TLE4: variants seen among roughly 807,000 people sequenced by gnomAD.
TLE4 encodes transducin-like enhancer protein 4.
Under a neutral mutation model 92.8 loss-of-function variants are expected in TLE4, and 8 were observed. That is an observed-to-expected ratio of 0.09 (90% CI 0.05 to 0.16). The LOEUF (loss-of-function observed/expected upper bound fraction) is 0.16, where lower values mean the gene tolerates loss of function less well. Ranked by LOEUF, TLE4 falls within the 10% of genes least tolerant of loss-of-function variation. The probability of loss-of-function intolerance (pLI) is 1.00; values close to 1 mark genes in which losing one functional copy is unlikely to be tolerated. For missense variants in TLE4, 675 were observed against 997.6 expected, an observed-to-expected ratio of 0.68 and a Z score of 4.36; for synonymous variants, 371 against 374.1, an observed-to-expected ratio of 0.99 and a Z score of 0.10.
intron 8 of TLE4, among the ~76,000 whole-genome samples, chr9:79,682,104 G>A (rs921829812): frequency 1.3e-5 from 2 of 151,990 alleles, no homozygotes; most frequent in African/African-American, 2.4e-5. Context: ...ATCCTATTTT[G>A]TGGTTTTCTT....
intron 8 of TLE4, among the ~76,000 whole-genome samples, chr9:79,663,010 A>G (rs566406988): frequency 2.8e-3 from 405 of 144,976 alleles, no homozygotes; most frequent in Non-Finnish European, 4.3e-3. Flanking sequence ...TACTGCTCTG[A>G]GAGTCGTGAC....
At chr9:79,702,046 G>T (rs1281955364) in intron 8 of TLE4, among the ~76,000 whole-genome samples, 1 of 152,214 alleles carries the variant, frequency 6.6e-6, no homozygotes, top group Non-Finnish European at 1.5e-5. Flanking sequence ...TAAGGATAGT[G>T]GGGGATTTCA....
chr9:79,717,679 C>T (rs2074801599), intron 14 of TLE4, among the ~76,000 whole-genome samples: 1 of 152,192 alleles, frequency 6.6e-6, no homozygotes, highest in Admixed American at 6.5e-5. Context: ...CTACAACTTC[C>T]GCAGTTTGGT....
rs2075893210 is a variant in TLE4, at chr9:79,723,118, G to C, written c.2214+83G>C. The C allele has an allele frequency of 2.2e-6, 3 of 1,367,614 alleles. No individual in the cohort carries two copies. The East Asian group carries it at 7.0e-5, about 32-fold the overall frequency. The allele number at this position is 1,367,614 out of a possible 1,614,324, so 84.7% of individuals were successfully genotyped here. A position where few individuals can be genotyped will look rare whatever the true frequency, so the allele number is the denominator to read the frequency against. The stretch of plus-strand genomic sequence containing the variant: ...TCTCTCAGATTAATAATGTGCAGAA[G>C]TGTCCTGGGAGGTCAGAGCTAGTAT... On this transcript the variant is annotated intron_variant, in intron 19 of 19. Coordinates refer to ENST00000376552, the MANE Select transcript of TLE4 (RefSeq NM_007005.6).
chr9:79,674,303 G>A (rs979433667), intron 8 of TLE4, among the ~76,000 whole-genome samples: 1 of 149,984 alleles, frequency 6.7e-6, no homozygotes, highest in African/African-American at 2.5e-5. Context: ...TATTATCTCC[G>A]TGTTGCAGAT....
intron 4 of TLE4, among the ~76,000 whole-genome samples, chr9:79,599,690 G>A (rs1587909498): frequency 6.6e-6 from 1 of 152,308 alleles, no homozygotes; most frequent in East Asian, 1.9e-4. Context: ...TAGTGTGTGA[G>A]GTCGTCTGAT....
chr9:79,722,017 T>G, intron 17 of TLE4, 129 bp downstream of exon 17: 1 of 1,343,786 alleles, frequency 7.4e-7, no homozygotes, highest in Middle Eastern at 2.0e-4. Flanking sequence ...GTACAAAAAT[T>G]AGCTGGGCAT....
intron 8 of TLE4, among the ~76,000 whole-genome samples, chr9:79,701,396 G>A (rs2069827898): frequency 6.6e-6 from 1 of 152,164 alleles, no homozygotes; most frequent in Non-Finnish European, 1.5e-5. Context: ...GTACATATGA[G>A]CCAATAAATG....
intron 4 of TLE4, 47 bp from the exon 5 acceptor site, chr9:79,612,609 C>T: frequency 3.9e-6 from 6 of 1,521,090 alleles, no homozygotes; most frequent in Non-Finnish European, 5.5e-6. Flanking sequence ...AATCTGTAAC[C>T]AGCTGACTGT....
intron 9 of TLE4, 118 bp downstream of exon 9, chr9:79,705,020 A>C: frequency 7.0e-7 from 1 of 1,421,468 alleles, no homozygotes. Context: ...TTTAGGAGAC[A>C]AAAAACATTT....
intron 14 of TLE4, among the ~76,000 whole-genome samples, chr9:79,713,652 C>CT (rs1430706274): frequency 2.6e-5 from 4 of 152,180 alleles, no homozygotes; most frequent in African/African-American, 9.6e-5. Flanking sequence ...CCAGTTTGCC[C>CT]TTTTTTTGTT....
At chr9:79,592,262 TCTTCTTC>T (rs2042872051) in intron 4 of TLE4, among the ~76,000 whole-genome samples, 1 of 148,640 alleles carries the variant, frequency 6.7e-6, no homozygotes, top group Non-Finnish European at 1.5e-5. Context: ...CTTTCTTCTT[TCTTCTTC>T]TTCTTCTTTT....
rs1161862313 is a variant in TLE4, at chr9:79,571,973, T to A, written c.-818T>A. ...AAAGAAGTCACCTACACAGAGCGTGTTGTTAGAGCTGTGCTGAGCGGGTGT... is the reference window on the plus strand; with the variant it reads ...AAAGAAGTCACCTACACAGAGCGTGATGTTAGAGCTGTGCTGAGCGGGTGT... On this transcript the variant is annotated 5_prime_UTR_variant, in exon 1 of 20. In the 5' UTR this introduces an upstream ATG that the reference lacks. Transcript: ENST00000376552. 6.6e-6 allele frequency: 1 copy of A among 152,152 alleles called. No homozygotes were observed. The highest frequency in any genetic ancestry group is 1.5e-5 in the Non-Finnish European group (1 of 68,038). 9.4% of individuals were successfully genotyped at this position (152,152 alleles called of 1,614,324 possible).
At chr9:79,588,744 T>C (rs182534479) in intron 4 of TLE4, among the ~76,000 whole-genome samples, 1 of 152,356 alleles carries the variant, frequency 6.6e-6, no homozygotes, top group African/African-American at 2.4e-5. Context: ...CAGGGAACTG[T>C]AAACTTTTGA....
At chr9:79,595,422 TA>T (rs1442136037) in intron 4 of TLE4, among the ~76,000 whole-genome samples, 1 of 152,152 alleles carries the variant, frequency 6.6e-6, no homozygotes, top group Non-Finnish European at 1.5e-5. Context: ...TCTTTATTTT[TA>T]AAAAACAAAA....
intron 4 of TLE4, among the ~76,000 whole-genome samples, chr9:79,582,903 G>C (rs146123303): frequency 1.3e-5 from 2 of 152,110 alleles, no homozygotes; most frequent in African/African-American, 4.8e-5. Flanking sequence ...GCACATTTAC[G>C]CATGGGCAAT....
intron 5 of TLE4, among the ~76,000 whole-genome samples, chr9:79,615,445 A>T (rs2049322096): frequency 6.6e-6 from 1 of 152,186 alleles, no homozygotes; most frequent in South Asian, 2.1e-4. Flanking sequence ...CAATTCCTGA[A>T]GAGTAGTGCA....
intron 5 of TLE4, among the ~76,000 whole-genome samples, chr9:79,625,497 C>T (rs910836030): frequency 6.6e-6 from 1 of 152,068 alleles, no homozygotes; most frequent in Non-Finnish European, 1.5e-5. Flanking sequence ...GGTGTCTACA[C>T]TAACTGATAT....
intron 5 of TLE4, among the ~76,000 whole-genome samples, chr9:79,625,744 C>G (rs2052452432): frequency 6.6e-6 from 1 of 151,960 alleles, no homozygotes; most frequent in Non-Finnish European, 1.5e-5. Flanking sequence ...CTGTGCCCTT[C>G]TATTCCTTCT....
Sources: allele counts gnomAD v4.1 joint callset (sites outside exome capture counted in the v4.1 genomes callset), GRCh38; gene constraint gnomAD v4.1.1; transcripts MANE v1.5; gene names NCBI Gene and HGNC (gene_info 2026-07-23, HGNC 2026-07-21).